Variants in DENND1A observed in about 807,000 individuals in gnomAD.
The protein encoded by DENND1A is DENN domain containing 1A, also known as DENN domain-containing protein 1A.
Under a neutral mutation model 113.7 loss-of-function variants are expected in DENND1A, and 51 were observed. The ratio of observed to expected loss-of-function variants is 0.45; its 90% CI spans 0.36 to 0.57. The LOEUF (loss-of-function observed/expected upper bound fraction) is 0.57, where lower values mean the gene tolerates loss of function less well. Ranked by LOEUF, DENND1A falls within the 20% of genes least tolerant of loss-of-function variation. The pLI is 0.00. For synonymous variants in DENND1A, 565 were observed against 570.8 expected (o/e 0.99, Z 0.14); for missense variants, 1,258 against 1,395.9 (o/e 0.90, Z 1.57).
At chr9:123,739,619 T>C (rs1465810619) in intron 5 of DENND1A, among the ~76,000 whole-genome samples, 1 of 152,156 alleles carries the variant, frequency 6.6e-6, no homozygotes, top group Non-Finnish European at 1.5e-5. Context: ...ACTCATACTA[T>C]CTTTTAATGA....
At chr9:123,385,817 C>T (rs751358159) in intron 22 of DENND1A, among the ~76,000 whole-genome samples, 6 of 152,316 alleles carry the variant, frequency 3.9e-5, no homozygotes, top group Middle Eastern at 3.4e-3. Context: ...AGGCTTCAAA[C>T]GTCCCTCACT....
At chr9:123,414,144 A>T (rs571827905) in intron 19 of DENND1A, 1 of 1,002,386 alleles carries the variant, frequency 1.0e-6, no homozygotes, top group Middle Eastern at 5.0e-4. Context: ...CAGTTCTCCC[A>T]TTTACTCCCT....
intron 10 of DENND1A, among the ~76,000 whole-genome samples, chr9:123,612,823 A>G (rs1413640600): frequency 6.6e-6 from 1 of 152,232 alleles, no homozygotes; most frequent in East Asian, 1.9e-4. Context: ...ATAAGGCAGT[A>G]CCTGGCCTAG....
intron 13 of DENND1A, among the ~76,000 whole-genome samples, chr9:123,530,948 T>C (rs2055247227): frequency 6.6e-6 from 1 of 152,222 alleles, no homozygotes; most frequent in African/African-American, 2.4e-5. Context: ...TTATTGTACA[T>C]AATATTTTTA....
chr9:123,927,469 A>G (rs1271192222), intron 1 of DENND1A, among the ~76,000 whole-genome samples: 1 of 152,218 alleles, frequency 6.6e-6, no homozygotes, highest in Non-Finnish European at 1.5e-5. Flanking sequence ...GTGAAAAAAA[A>G]GAAAAAAACC....
chr9:123,461,874 T>C (rs2048552187), intron 13 of DENND1A: 1 of 131,234 alleles, frequency 7.6e-6, no homozygotes, highest in Non-Finnish European at 1.5e-5. Context: ...ATGTGTGAAT[T>C]AGACATGGGA....
At chr9:123,579,503 G>C (rs1023671473) in intron 12 of DENND1A, among the ~76,000 whole-genome samples, 2 of 152,152 alleles carry the variant, frequency 1.3e-5, no homozygotes, top group Non-Finnish European at 2.9e-5. Flanking sequence ...GCATGAGGCG[G>C]AAAGATTGGA....
At chr9:123,550,376 C>A (rs2135852766) in intron 13 of DENND1A, among the ~76,000 whole-genome samples, 1 of 152,366 alleles carries the variant, frequency 6.6e-6, no homozygotes, top group East Asian at 1.9e-4. Context: ...GCCACACAAG[C>A]TAGCTGAATA....
chr9:123,414,720 C>T (rs1017320083), intron 19 of DENND1A: 37 of 1,230,008 alleles, frequency 3.0e-5, no homozygotes, highest in Non-Finnish European at 4.0e-5. Flanking sequence ...TTTCCCTATA[C>T]CACCCATGAA....
intron 2 of DENND1A, among the ~76,000 whole-genome samples, chr9:123,816,631 G>A (rs888557405): frequency 6.6e-6 from 1 of 152,120 alleles, no homozygotes; most frequent in African/African-American, 2.4e-5. Flanking sequence ...AAATCAATTT[G>A]GAAAAATAAT....
At chr9:123,832,183 T>C (rs1840329524) in intron 2 of DENND1A, among the ~76,000 whole-genome samples, 1 of 151,958 alleles carries the variant, frequency 6.6e-6, no homozygotes, top group Non-Finnish European at 1.5e-5. Flanking sequence ...TTATAACACA[T>C]AACCAAAGAA....
chr9:123,610,715 G>C (rs1381590892), intron 10 of DENND1A, among the ~76,000 whole-genome samples: 1 of 152,158 alleles, frequency 6.6e-6, no homozygotes, highest in African/African-American at 2.4e-5. Flanking sequence ...TTTTCTTCTG[G>C]GGCAGCTGGT....
intron 12 of DENND1A, among the ~76,000 whole-genome samples, chr9:123,582,384 TA>T (rs1421631200): frequency 6.6e-6 from 1 of 151,802 alleles, no homozygotes; most frequent in Non-Finnish European, 1.5e-5. Flanking sequence ...ACTCAAGAAA[TA>T]AACCTTCTTC....
chr9:123,554,938 G>A (rs551255315), intron 13 of DENND1A, among the ~76,000 whole-genome samples: 4 of 152,236 alleles, frequency 2.6e-5, no homozygotes, highest in Non-Finnish European at 4.4e-5. Flanking sequence ...ACTATCATAA[G>A]ACAGACTTTA....
chr9:123,617,243 CA>C (rs1158402603), intron 10 of DENND1A, among the ~76,000 whole-genome samples: 2 of 152,148 alleles, frequency 1.3e-5, no homozygotes, highest in Non-Finnish European at 2.9e-5. Context: ...ATGAGGAGAC[CA>C]GGAATAATTC....
intron 12 of DENND1A, among the ~76,000 whole-genome samples, chr9:123,562,358 C>T (rs1055106492): frequency 6.6e-6 from 1 of 152,108 alleles, no homozygotes; most frequent in African/African-American, 2.4e-5. Flanking sequence ...CTCTGAAAGA[C>T]CATCCAAGTC....
At chr9:123,401,865 A>C in intron 21 of DENND1A, 1 of 1,614,144 alleles carries the variant, frequency 6.2e-7, no homozygotes, top group Non-Finnish European at 8.5e-7. Context: ...AAAATGGGTA[A>C]TGCTTTTCTG....
chr9:123,705,975 T>C (rs1304893778), intron 5 of DENND1A, among the ~76,000 whole-genome samples: 1 of 152,080 alleles, frequency 6.6e-6, no homozygotes, highest in Non-Finnish European at 1.5e-5. Context: ...AAATTCTGTT[T>C]TGTGTTCTGG....
chr9:123,408,327 T>C (rs1166189641), intron 20 of DENND1A, among the ~76,000 whole-genome samples: 2 of 152,216 alleles, frequency 1.3e-5, no homozygotes, highest in African/African-American at 4.8e-5. Flanking sequence ...TTAGAATAAA[T>C]GGTCCTTAGG....
Sources: gnomAD v4.1 joint callset for allele counts (sites outside exome capture counted in the v4.1 genomes callset) on GRCh38, gnomAD v4.1.1 for gene constraint, MANE v1.5 for transcripts, NCBI Gene and HGNC (gene_info 2026-07-23, HGNC 2026-07-21) for gene names.